RGS7: variants seen among roughly 807,000 people sequenced by gnomAD.
The protein encoded by RGS7 is regulator of G protein signaling 7, also known as regulator of G-protein signaling 7.
RGS7 carries 27 observed loss-of-function variants against 81.1 expected under a neutral mutation model. The ratio of observed to expected loss-of-function variants is 0.33; its 90% CI spans 0.25 to 0.46. The LOEUF (loss-of-function observed/expected upper bound fraction) is 0.46, where lower values mean the gene tolerates loss of function less well. RGS7 is among the 20% of genes least tolerant of loss of function. The pLI is 1.00. For missense variants in RGS7, 396 were observed against 607.4 expected (o/e 0.65, Z 3.66); for synonymous variants, 208 against 207.7 (o/e 1.00, Z -0.01).
intron 2 of RGS7, among the ~76,000 whole-genome samples, chr1:241,287,124 C>T (rs191806166): frequency 4.6e-5 from 7 of 152,324 alleles, no homozygotes; most frequent in Admixed American, 2.0e-4. Flanking sequence ...GCTCCAAAGG[C>T]AGTCTGCCCT....
chr1:240,796,439 A>G (rs76770662), intron 18 of RGS7, among the ~76,000 whole-genome samples: 13,329 of 152,174 alleles, frequency 0.088, 1,965 homozygotes, highest in African/African-American at 0.3. Context: ...TAATCCCAGT[A>G]GTTTGGGAAG....
chr1:241,190,019 C>T (rs963453761), intron 2 of RGS7, among the ~76,000 whole-genome samples: 16 of 152,102 alleles, frequency 1.1e-4, no homozygotes, highest in East Asian at 7.8e-4. Context: ...AGGAGAATGG[C>T]GTGAACCTGG....
chr1:241,292,935 T>A (rs546294528), intron 2 of RGS7, among the ~76,000 whole-genome samples: 171 of 152,384 alleles, frequency 1.1e-3, no homozygotes, highest in African/African-American at 4.0e-3. Context: ...ATTTTGCAGA[T>A]GTTCACTCAT....
chr1:241,169,170 A>G (rs1253815787), intron 2 of RGS7, among the ~76,000 whole-genome samples: 1 of 151,726 alleles, frequency 6.6e-6, no homozygotes, highest in Admixed American at 6.6e-5. Flanking sequence ...ATTTATACAC[A>G]CATGTAATAT....
At chr1:240,941,379 C>T (rs992417114) in intron 4 of RGS7, among the ~76,000 whole-genome samples, 12 of 150,544 alleles carry the variant, frequency 8.0e-5, no homozygotes, top group African/African-American at 3.0e-4. Flanking sequence ...AGGATAAATG[C>T]CTAGATGAAA....
intron 4 of RGS7, among the ~76,000 whole-genome samples, chr1:240,963,779 G>C (rs913654947): frequency 2.0e-5 from 3 of 152,236 alleles, no homozygotes; most frequent in African/African-American, 7.2e-5. Context: ...CAATGTAAGA[G>C]TGTATTATGA....
At chr1:241,175,849 T>C (rs1335349987) in intron 2 of RGS7, among the ~76,000 whole-genome samples, 1 of 152,148 alleles carries the variant, frequency 6.6e-6, no homozygotes, top group East Asian at 1.9e-4. Flanking sequence ...CAAGACGGAA[T>C]GTATGGGACA....
At chr1:241,272,525 G>A (rs1322588923) in intron 2 of RGS7, among the ~76,000 whole-genome samples, 2 of 152,132 alleles carry the variant, frequency 1.3e-5, no homozygotes, top group Non-Finnish European at 2.9e-5. Context: ...CATCTCATAT[G>A]TGCTTTCCTT....
chr1:241,309,363 G>A (rs2080365442), intron 2 of RGS7, among the ~76,000 whole-genome samples: 2 of 103,388 alleles, frequency 1.9e-5, no homozygotes, highest in Admixed American at 1.5e-4. Context: ...TCCAGCCTGG[G>A]CAACAAGAGC....
intron 3 of RGS7, among the ~76,000 whole-genome samples, chr1:241,024,511 T>C (rs920817539): frequency 2.0e-5 from 3 of 152,210 alleles, no homozygotes; most frequent in South Asian, 4.1e-4. Context: ...TGAGCTAGTA[T>C]ACCAGTGACA....
intron 2 of RGS7, among the ~76,000 whole-genome samples, chr1:241,352,791 G>A (rs2083327657): frequency 6.6e-6 from 1 of 152,256 alleles, no homozygotes; most frequent in Non-Finnish European, 1.5e-5. Flanking sequence ...CCTGTAATTT[G>A]TATGAGGATA....
chr1:241,351,262 C>CA (rs1466470172), intron 2 of RGS7, among the ~76,000 whole-genome samples: 2 of 151,658 alleles, frequency 1.3e-5, no homozygotes, highest in Non-Finnish European at 1.5e-5. Flanking sequence ...CTAGAAAAAA[C>CA]AAAAAAATTA....
chr1:240,990,685 C>T (rs893626881), intron 3 of RGS7, among the ~76,000 whole-genome samples: 4 of 152,218 alleles, frequency 2.6e-5, no homozygotes, highest in African/African-American at 7.2e-5. Flanking sequence ...CTTCTGCTCA[C>T]AGTTTGAAAC....
At chr1:241,081,025 G>A (rs751955929) in intron 3 of RGS7, among the ~76,000 whole-genome samples, 4 of 152,168 alleles carry the variant, frequency 2.6e-5, no homozygotes, top group Non-Finnish European at 5.9e-5. Flanking sequence ...AAGACCTTAC[G>A]TGGTCTTATT....
rs113468682 is a variant in RGS7, at chr1:240,977,900, T to C, written c.226+5179A>G. On this transcript the variant is annotated intron_variant, in intron 4 of 18. Coordinates refer to ENST00000440928, the MANE Select transcript of RGS7 (RefSeq NM_001364886.1). ...CCACAGAAGAAATCAGCCATGGCCA[T>C]GTCTTGGAGGCAGCTTGGCAATGGA... is the stretch of plus-strand genomic sequence containing the variant. Among the ~76,000 whole-genome samples, 108 of 152,292 alleles carry C rather than the reference T, an allele frequency of 7.1e-4. 1 individual carries two copies. Among genetic ancestry groups the C allele is most frequent in the African/African-American group, 2.6e-3 (106 of 41,566 alleles).
At chr1:241,320,252 T>C (rs1336976213) in intron 2 of RGS7, among the ~76,000 whole-genome samples, 3 of 152,248 alleles carry the variant, frequency 2.0e-5, no homozygotes, top group Admixed American at 1.3e-4. Flanking sequence ...CCTTGCTCTA[T>C]GTTCCTCATG....
At chr1:241,231,036 A>G (rs1432679609) in intron 2 of RGS7, among the ~76,000 whole-genome samples, 1 of 152,192 alleles carries the variant, frequency 6.6e-6, no homozygotes, top group African/African-American at 2.4e-5. Context: ...TGACTAGTCT[A>G]GAAATCCCTC....
At chr1:241,265,456 G>A (rs1042961681) in intron 2 of RGS7, among the ~76,000 whole-genome samples, 19 of 152,000 alleles carry the variant, frequency 1.3e-4, no homozygotes, top group African/African-American at 4.4e-4. Context: ...AGGTTTTTCT[G>A]TAGGCAGGTG....
intron 9 of RGS7, among the ~76,000 whole-genome samples, chr1:240,833,538 C>T (rs968751309): frequency 6.6e-6 from 1 of 152,100 alleles, no homozygotes; most frequent in Non-Finnish European, 1.5e-5. Context: ...GCATTTTTGA[C>T]TTACTATATT....
Sources: allele counts gnomAD v4.1 joint callset (sites outside exome capture counted in the v4.1 genomes callset), GRCh38; gene constraint gnomAD v4.1.1; transcripts MANE v1.5; gene names NCBI Gene and HGNC (gene_info 2026-07-23, HGNC 2026-07-21).